Variants in SDK1 observed in about 807,000 individuals in gnomAD.
The protein encoded by SDK1 is protein sidekick-1.
SDK1 carries 157 observed loss-of-function variants against 245.5 expected under a neutral mutation model. The observed-to-expected ratio is 0.64, with a 90% CI of 0.56 to 0.73. SDK1 has a LOEUF of 0.73. Among genes scored for constraint, SDK1 ranks in the 30% least tolerant of loss-of-function variants. SDK1 has a pLI of 0.00. For missense variants in SDK1, 3,583 were observed against 3,002.3 expected (o/e 1.19, Z -4.52); for synonymous variants, 1,647 against 1,278.5 (o/e 1.29, Z -6.15).
intron 5 of SDK1, among the ~76,000 whole-genome samples, chr7:3,881,474 G>A (rs116403149): frequency 1.2e-4 from 19 of 152,224 alleles, no homozygotes; most frequent in Admixed American, 3.9e-4. Context: ...TGGTGTATAC[G>A]TAACACATTT....
chr7:3,824,045 T>C (rs192734310), intron 5 of SDK1, among the ~76,000 whole-genome samples: 6 of 151,934 alleles, frequency 3.9e-5, no homozygotes, highest in African/African-American at 1.2e-4. Context: ...TCCCCCAGAA[T>C]TGTTTTAATT....
intron 32 of SDK1, among the ~76,000 whole-genome samples, chr7:4,166,973 C>A (rs993356346): frequency 2.6e-5 from 4 of 152,184 alleles, no homozygotes; most frequent in Admixed American, 2.0e-4. Flanking sequence ...CTCCTACCCC[C>A]AGGCCTTCCC....
rs1460444646 is a variant in SDK1 at position 4,266,858 on chromosome 7, C to T, written c.*1474C>T. The T allele has an allele frequency of 8.1e-6, 8 of 985,462 alleles. No homozygotes were observed. The highest frequency in any genetic ancestry group is 8.4e-6 in the Non-Finnish European group (7 of 830,030). The allele number at this position is 985,462 out of a possible 1,614,324, so 61.0% of individuals were successfully genotyped here. The stretch of plus-strand genomic sequence containing the variant: ...GACACACACAAGACTCAAGACCACC[C>T]TGTCAGTGCCCCCCAGTGCACGGCA... On this transcript the variant is annotated 3_prime_UTR_variant, in exon 45 of 45. Transcript: ENST00000404826.
At chr7:4,256,967 T>C (rs1023617707) in intron 44 of SDK1, among the ~76,000 whole-genome samples, 2 of 152,206 alleles carry the variant, frequency 1.3e-5, no homozygotes, top group Non-Finnish European at 2.9e-5. Flanking sequence ...GGTGCTCCTC[T>C]GAATTATGTC....
intron 35 of SDK1, among the ~76,000 whole-genome samples, chr7:4,205,149 G>A (rs374743522): frequency 1.3e-5 from 2 of 152,174 alleles, no homozygotes; most frequent in East Asian, 1.9e-4. Context: ...TCCTCAGAAC[G>A]TGAAGCCAGA....
intron 43 of SDK1, among the ~76,000 whole-genome samples, chr7:4,242,953 G>A (rs547468992): frequency 4.6e-5 from 7 of 152,190 alleles, no homozygotes; most frequent in South Asian, 4.1e-4. Context: ...CCAAAGCACC[G>A]CAGGCCGCCA....
chr7:4,139,208 CCCAAA>C (rs1779300795), intron 28 of SDK1, among the ~76,000 whole-genome samples: 1 of 151,988 alleles, frequency 6.6e-6, no homozygotes, highest in African/African-American at 2.4e-5. Context: ...GGAGTGACCT[CCCAAA>C]TCGCCACTTG....
chr7:3,538,084 C>T (rs1165806455), intron 1 of SDK1, among the ~76,000 whole-genome samples: 6 of 152,142 alleles, frequency 3.9e-5, no homozygotes, highest in Non-Finnish European at 5.9e-5. Context: ...TGACAGACCA[C>T]GTGGCCTTAG....
rs1230484119 is a variant in SDK1, at chr7:4,175,789, A to G, written c.4951A>G (p.Lys1651Glu). Residue 1651 changes from lysine (K) to glutamate (E), a missense_variant, in exon 34 of 45, where the codon AAG becomes GAG. Lys to Glu is a moderately conservative substitution (Grantham distance 56). Coordinates refer to ENST00000404826, the MANE Select transcript of SDK1 (RefSeq NM_152744.4). ...HAELTAQSSF[K>E]TVNSSSTSTM... ...TACCCCAATAGCCCAAAGCAGCTTCAAGACGGTGAACAGCAGCTCCACATC... is the reference window on the plus strand; with the variant it reads ...TACCCCAATAGCCCAAAGCAGCTTCGAGACGGTGAACAGCAGCTCCACATC... 3 of 1,613,964 alleles carry G rather than the reference A, an allele frequency of 1.9e-6. No homozygotes were observed. The highest frequency in any genetic ancestry group is 2.2e-5 in the South Asian group (2 of 91,088).
At chr7:3,429,461 CATT>C (rs907620163) in intron 1 of SDK1, among the ~76,000 whole-genome samples, 4 of 152,060 alleles carry the variant, frequency 2.6e-5, no homozygotes, top group Admixed American at 6.5e-5. Context: ...CAGACCCAAA[CATT>C]ATGAAAAGAA....
At chr7:3,606,691 C>G (rs1023091076) in intron 1 of SDK1, among the ~76,000 whole-genome samples, 3 of 152,142 alleles carry the variant, frequency 2.0e-5, no homozygotes, top group Admixed American at 6.5e-5. Flanking sequence ...ATACCCCGTT[C>G]TCAACGAGGC....
chr7:3,594,976 G>C (rs117593698), intron 1 of SDK1, among the ~76,000 whole-genome samples: 1,966 of 152,242 alleles, frequency 0.013, 15 homozygotes, highest in Non-Finnish European at 0.023. Flanking sequence ...CACTCATTTT[G>C]TTTGGTTTAA....
intron 13 of SDK1, among the ~76,000 whole-genome samples, chr7:3,978,328 T>C (rs1783131464): frequency 6.6e-6 from 1 of 152,210 alleles, no homozygotes; most frequent in African/African-American, 2.4e-5. Flanking sequence ...TTACATGTCT[T>C]CCCTACTATT....
intron 14 of SDK1, among the ~76,000 whole-genome samples, chr7:3,995,066 G>A (rs1266636057): frequency 6.6e-6 from 1 of 152,108 alleles, no homozygotes. Flanking sequence ...CCTGAAGAGG[G>A]GATTCTAGGC....
In SDK1 at chr7:3,820,651, A is replaced by G. The variant is rs190176673; in HGVS notation, c.714-799A>G. On this transcript the variant is annotated intron_variant, in intron 4 of 44. Coordinates refer to ENST00000404826, the MANE Select transcript of SDK1 (RefSeq NM_152744.4). ...AGTCTTTCTATGGTATGATTGGATGAGTATTAATCTGCCTGTGAAAACACC... is the reference window on the plus strand; with the variant it reads ...AGTCTTTCTATGGTATGATTGGATGGGTATTAATCTGCCTGTGAAAACACC... Among the ~76,000 whole-genome samples the G allele has an allele frequency of 2.1e-3, 316 of 152,312 alleles. 2 individuals are homozygous for G. The highest frequency in any genetic ancestry group is 7.3e-3 in the African/African-American group (305 of 41,558).
chr7:3,433,274 C>T (rs1343401728), intron 1 of SDK1, among the ~76,000 whole-genome samples: 1 of 152,184 alleles, frequency 6.6e-6, no homozygotes, highest in African/African-American at 2.4e-5. Flanking sequence ...TTAAACCAGA[C>T]TGCTGTAATC....
chr7:3,782,738 TTAG>T (rs1379394845), intron 4 of SDK1, among the ~76,000 whole-genome samples: 4 of 152,212 alleles, frequency 2.6e-5, no homozygotes, highest in Non-Finnish European at 5.9e-5. Context: ...ATACTGCATA[TTAG>T]TAGTTGAGAA....
At chr7:3,637,551 C>T (rs1437615413) in intron 2 of SDK1, among the ~76,000 whole-genome samples, 2 of 152,250 alleles carry the variant, frequency 1.3e-5, no homozygotes, top group East Asian at 1.9e-4. Context: ...TTTCGAGTGG[C>T]GGTTGGTTAC....
chr7:3,731,451 G>T (rs1583351684), intron 4 of SDK1, among the ~76,000 whole-genome samples: 1 of 152,322 alleles, frequency 6.6e-6, no homozygotes, highest in East Asian at 1.9e-4. Flanking sequence ...GAAATACAAG[G>T]AAGCCAGCTG....
Sources: gnomAD v4.1 joint callset for allele counts (sites outside exome capture counted in the v4.1 genomes callset) on GRCh38, gnomAD v4.1.1 for gene constraint, MANE v1.5 for transcripts, NCBI Gene and HGNC (gene_info 2026-07-23, HGNC 2026-07-21) for gene names.